The following RPL38 variants were observed in gnomAD, a reference collection of about 807,000 sequenced individuals.
RPL38 encodes the protein large ribosomal subunit protein eL38.
RPL38 carries 2 observed loss-of-function variants against 12.8 expected under a neutral mutation model. That is an observed-to-expected ratio of 0.16 (90% CI 0.06 to 0.49). The LOEUF is 0.49. Among genes scored for constraint, RPL38 ranks in the 20% least tolerant of loss-of-function variants. RPL38 has a pLI of 0.96. For synonymous variants in RPL38, 42 were observed against 30.1 expected (o/e 1.39, Z -1.29); for missense variants, 52 against 79.8 (o/e 0.65, Z 1.33).
In RPL38 at chr17:74,209,994, T is replaced by TTTC; in HGVS notation, c.*167_*168insCTT. 1.7e-6 allele frequency: 1 copy of TTTC among 574,002 alleles called. No individual in the cohort carries two copies. The allele number at this position is 574,002 out of a possible 1,614,324, so 35.6% of individuals were successfully genotyped here. A position where few individuals can be genotyped will look rare whatever the true frequency, so the allele number is the denominator to read the frequency against. Reference sequence around the variant, plus strand: ...TTCCTGTGTCTTTTTTTTTTTTTTTTTTTCTTTCTTTGAGACGGAGTCTTG... The same window carrying TTTC: ...TTCCTGTGTCTTTTTTTTTTTTTTTTTTCTTTCTTTCTTTGAGACGGAGTCTTG... On this transcript the variant is annotated 3_prime_UTR_variant, in exon 5 of 5. Transcript: ENST00000311111.
rs752656600 is a variant in RPL38, at chr17:74,203,929, C to T, written c.-27C>T. 19 of 1,601,702 alleles carry T rather than the reference C, an allele frequency of 1.2e-5. 1 individual carries two copies. Among genetic ancestry groups the T allele is most frequent in the Middle Eastern group, 3.4e-4 (2 of 5,922 alleles). On this transcript the variant is annotated 5_prime_UTR_variant, in exon 2 of 5. Transcript: ENST00000311111. ...ACTGTTTCCCGCAGGTCCTGGTCCG[C>T]GCCAGAGCCCAGCGCGCCTCGTCGC...
At chr17:74,204,889 T>C (rs182793675) in intron 3 of RPL38, 106 of 152,314 alleles carry the variant, frequency 7.0e-4, no homozygotes, top group African/African-American at 2.5e-3. Context: ...TTCACCATGT[T>C]GGCCAGGCTG....
In RPL38 at chr17:74,203,707, T is replaced by G. The variant is rs566619353; in HGVS notation, c.-77T>G. On this transcript the variant is annotated 5_prime_UTR_variant, in exon 1 of 5. Transcript: ENST00000311111. The stretch of plus-strand genomic sequence containing the variant: ...TTCGTCCTTTTCCCCGGTTGCTGCT[T>G]GCTGTGAGTGTCTCTAGGGTGATAC... 17 of 512,760 alleles carry G rather than the reference T, an allele frequency of 3.3e-5. No individual in the cohort carries two copies. The highest frequency in any genetic ancestry group is 4.8e-5 in the Non-Finnish European group (14 of 289,788). The allele number at this position is 512,760 out of a possible 1,614,324, so 31.8% of individuals were successfully genotyped here. A position where few individuals can be genotyped will look rare whatever the true frequency, so the allele number is the denominator to read the frequency against.
At chr17:74,208,954 A>T (rs1254608957) in intron 3 of RPL38, among the ~76,000 whole-genome samples, 1 of 152,158 alleles carries the variant, frequency 6.6e-6, no homozygotes, top group Admixed American at 6.5e-5. Flanking sequence ...AGTAGAAATA[A>T]GAAAGATAAT....
At position 74,209,979 on chromosome 17, in the gene RPL38, T is replaced by TTA; in HGVS notation, c.*151_*152insAT. ...GGTTCTGTTGCTGCCTTCCTGTGTC[T>TTA]TTTTTTTTTTTTTTTTTTCTTTCTT... On this transcript the variant is annotated 3_prime_UTR_variant, in exon 5 of 5. Transcript: ENST00000311111. 1 of 69,164 alleles carries TTA rather than the reference T, an allele frequency of 1.4e-5. No individual in the cohort carries two copies. The highest frequency in any genetic ancestry group is 2.6e-5 in the Non-Finnish European group (1 of 37,866). The allele number at this position is 69,164 out of a possible 1,614,324, so 4.3% of individuals were successfully genotyped here. A position where few individuals can be genotyped will look rare whatever the true frequency, so the allele number is the denominator to read the frequency against.
chr17:74,204,302 C>A, intron 3 of RPL38, 112 bp downstream of exon 3: 1 of 911,618 alleles, frequency 1.1e-6, no homozygotes, highest in Non-Finnish European at 1.8e-6. Flanking sequence ...TGGGTGTGTG[C>A]CTGGCCCTCT....
At chr17:74,208,218 A>T (rs2050132513) in intron 3 of RPL38, among the ~76,000 whole-genome samples, 1 of 152,182 alleles carries the variant, frequency 6.6e-6, no homozygotes, top group Non-Finnish European at 1.5e-5. Context: ...GCAGTTTTTA[A>T]AGAGTTGGAA....
intron 3 of RPL38, 109 bp from the exon 4 acceptor site, chr17:74,209,078 T>C (rs117429853): frequency 0.029 from 31,940 of 1,118,708 alleles, 526 homozygotes; most frequent in Non-Finnish European, 0.035. Context: ...GTACTGGAGG[T>C]GGGTGCTGTC....
chr17:74,208,239 A>G (rs2050132735), intron 3 of RPL38, among the ~76,000 whole-genome samples: 2 of 152,220 alleles, frequency 1.3e-5, no homozygotes, highest in African/African-American at 4.8e-5. Context: ...CAAGGCATTC[A>G]GTGAATACAT....
Position 74,210,058 on chromosome 17 carries a change from G to C in RPL38, c.*229G>C. ...CCTGGAGCACAGTGGTGCGATATCAGCTCACTACCACCTCCGCCTCCTGGG... is the reference window on the plus strand; with the variant it reads ...CCTGGAGCACAGTGGTGCGATATCACCTCACTACCACCTCCGCCTCCTGGG... On this transcript the variant is annotated 3_prime_UTR_variant, in exon 5 of 5. Transcript: ENST00000311111. The C allele has an allele frequency of 2.2e-6, 1 of 452,602 alleles. No homozygotes were observed. The highest frequency in any genetic ancestry group is 3.9e-6 in the Non-Finnish European group (1 of 257,566). 28.0% of individuals were successfully genotyped at this position (452,602 alleles called of 1,614,324 possible). A position where few individuals can be genotyped will look rare whatever the true frequency, so the allele number is the denominator to read the frequency against.
At chr17:74,205,152 G>A (rs2050101103) in intron 3 of RPL38, 1 of 152,248 alleles carries the variant, frequency 6.6e-6, no homozygotes, top group Non-Finnish European at 1.5e-5. Context: ...TCGATGGATA[G>A]GTGCCAATCT....
rs2050152087 is a variant in RPL38, at chr17:74,210,030, C to T, written c.*201C>T. The T allele has an allele frequency of 3.9e-6, 2 of 518,784 alleles. No homozygotes were observed. The allele number at this position is 518,784 out of a possible 1,614,324, so 32.1% of individuals were successfully genotyped here. On this transcript the variant is annotated 3_prime_UTR_variant, in exon 5 of 5. Coordinates refer to ENST00000311111, the MANE Select transcript of RPL38 (RefSeq NM_000999.4). ...TGAGACGGAGTCTTGCTCTGTGGCT[C>T]ATCCTGGAGCACAGTGGTGCGATAT...
At chr17:74,208,872 G>A (rs1006551094) in intron 3 of RPL38, among the ~76,000 whole-genome samples, 1 of 152,130 alleles carries the variant, frequency 6.6e-6, no homozygotes, top group African/African-American at 2.4e-5. Flanking sequence ...GGAGGCGGAG[G>A]TTGCAGGGAG....
intron 3 of RPL38, chr17:74,205,132 C>T (rs1289632427): frequency 1.3e-5 from 2 of 152,228 alleles, no homozygotes; most frequent in African/African-American, 4.8e-5. Flanking sequence ...AAACCTTAAA[C>T]AGCAGGTTTT....
At position 74,206,496 on chromosome 17, in the gene RPL38, A is replaced by G. The variant is rs150900506; in HGVS notation, c.64+2306A>G. On this transcript the variant is annotated intron_variant, in intron 3 of 4. Coordinates refer to ENST00000311111, the MANE Select transcript of RPL38 (RefSeq NM_000999.4). Reference sequence around the variant, plus strand: ...GCCACCATCACCGCCCATCTCCAGAACTTTATCTTCCCAAACTGAAACTCC... The same window carrying G: ...GCCACCATCACCGCCCATCTCCAGAGCTTTATCTTCCCAAACTGAAACTCC... Among the ~76,000 whole-genome samples the G allele has an allele frequency of 2.4e-3, 371 of 152,116 alleles. 1 individual carries two copies. The highest frequency in any genetic ancestry group is 8.3e-3 in the African/African-American group (345 of 41,468).
chr17:74,204,538 G>C, intron 3 of RPL38: 2 of 324,208 alleles, frequency 6.2e-6, no homozygotes, highest in Non-Finnish European at 1.2e-5. Flanking sequence ...CTGCAGTTGT[G>C]CAAAATCTTA....
intron 3 of RPL38, among the ~76,000 whole-genome samples, chr17:74,208,012 G>A (rs1188630568): frequency 2.0e-5 from 3 of 152,160 alleles, no homozygotes; most frequent in Non-Finnish European, 4.4e-5. Context: ...CATTCCTATA[G>A]TAGTTACTGG....
Position 74,209,329 on chromosome 17 carries a change from C to T in RPL38, c.187+20C>T, listed in dbSNP as rs922715609. 1.4e-5 allele frequency: 23 copies of T among 1,611,950 alleles called. No homozygotes were observed. The highest frequency in any genetic ancestry group is 1.9e-5 in the Non-Finnish European group (22 of 1,179,256). ...CCCCCGGTGAGTGAGCCTGAAGTCA[C>T]TTCAGGGGCGGGTGGGGTTTGGAAG... On this transcript the variant is annotated intron_variant, in intron 4 of 4. Coordinates refer to ENST00000311111, the MANE Select transcript of RPL38 (RefSeq NM_000999.4).
rs1312771519 is a variant in RPL38 at position 74,204,503 on chromosome 17, G to A, written c.64+313G>A. On this transcript the variant is annotated intron_variant, in intron 3 of 4. Transcript: ENST00000311111. ...ACTCCGCGAAAGCCTCAAAACACAC[G>A]TCCCATAAACACTGTTTAGGTTCTC... 9.9e-6 allele frequency: 4 copies of A among 405,760 alleles called. No homozygotes were observed. In the East Asian group the frequency reaches 1.5e-4, roughly 15 times the overall value. The allele number at this position is 405,760 out of a possible 1,614,324, so 25.1% of individuals were successfully genotyped here.
Sources: allele counts gnomAD v4.1 joint callset (sites outside exome capture counted in the v4.1 genomes callset), GRCh38; gene constraint gnomAD v4.1.1; transcripts MANE v1.5; gene names NCBI Gene and HGNC (gene_info 2026-07-23, HGNC 2026-07-21).